Variants in RGS6 observed in about 807,000 individuals in gnomAD.
RGS6 encodes regulator of G protein signaling 6.
A neutral mutation model predicts 78.5 loss-of-function variants in RGS6; 30 were observed. That is an observed-to-expected ratio of 0.38 (90% CI 0.29 to 0.52). The LOEUF (loss-of-function observed/expected upper bound fraction) is 0.52, where lower values mean the gene tolerates loss of function less well. Ranked by LOEUF, RGS6 falls within the 20% of genes least tolerant of loss-of-function variation. The pLI is 0.85. For missense variants in RGS6, 495 were observed against 609.7 expected, an observed-to-expected ratio of 0.81 and a Z score of 1.98; for synonymous variants, 206 against 206.0, an observed-to-expected ratio of 1.00 and a Z score of 0.00.
intron 2 of RGS6, among the ~76,000 whole-genome samples, chr14:72,200,403 G>C (rs770888150): frequency 5.3e-5 from 8 of 152,322 alleles, no homozygotes; most frequent in Admixed American, 4.6e-4. Context: ...ATCAGTGAAG[G>C]CTCTGATATC....
At chr14:72,137,711 G>C (rs2096467156) in intron 2 of RGS6, among the ~76,000 whole-genome samples, 1 of 152,358 alleles carries the variant, frequency 6.6e-6, no homozygotes, top group African/African-American at 2.4e-5. Context: ...AGCATCCTGA[G>C]TGCAGGAGCT....
At chr14:72,623,410 T>C in the RGS6 span, among the ~76,000 whole-genome samples, 1 of 152,200 alleles carries the variant, frequency 6.6e-6, no homozygotes. Context: ...CATCTGACTA[T>C]AAAACAATTA....
At chr14:72,437,998 T>A (rs2283382) in intron 3 of RGS6, among the ~76,000 whole-genome samples, 36,807 of 152,142 alleles carry the variant, frequency 0.24, 5,583 homozygotes, top group East Asian at 0.57. Context: ...GGCAGAGCCA[T>A]CAGATGCCAT....
intron 17 of RGS6, among the ~76,000 whole-genome samples, chr14:72,542,315 T>C (rs1366070719): frequency 6.6e-6 from 1 of 152,160 alleles, no homozygotes; most frequent in Non-Finnish European, 1.5e-5. Flanking sequence ...TTACTTAAGA[T>C]TGGAACCCAG....
intron 12 of RGS6, among the ~76,000 whole-genome samples, chr14:72,481,259 G>A (rs1216628768): frequency 6.6e-6 from 1 of 152,188 alleles, no homozygotes; most frequent in African/African-American, 2.4e-5. Context: ...CTGGGAATGT[G>A]AATAATAATT....
intron 3 of RGS6, among the ~76,000 whole-genome samples, chr14:72,424,386 T>C (rs78935702): frequency 0.019 from 2,863 of 152,270 alleles, 100 homozygotes; most frequent in African/African-American, 0.065. Flanking sequence ...GCTTTTTTAG[T>C]TCAGGGGTCA....
At chr14:72,600,830 C>T in the RGS6 span, among the ~76,000 whole-genome samples, 2 of 152,122 alleles carry the variant, frequency 1.3e-5, no homozygotes, top group African/African-American at 2.4e-5. Flanking sequence ...CAGCCTCTCC[C>T]CTGCCGCATC....
chr14:72,409,519 C>A (rs1010772375), intron 3 of RGS6, among the ~76,000 whole-genome samples: 8 of 151,354 alleles, frequency 5.3e-5, no homozygotes, highest in African/African-American at 1.7e-4. Flanking sequence ...TTTTTAACAT[C>A]ACTTTTATTT....
At chr14:72,426,773 G>C (rs1365599501) in intron 3 of RGS6, among the ~76,000 whole-genome samples, 2 of 152,160 alleles carry the variant, frequency 1.3e-5, no homozygotes, top group African/African-American at 4.8e-5. Flanking sequence ...AGATTTTGAG[G>C]GCTGATCTTG....
intron 2 of RGS6, among the ~76,000 whole-genome samples, chr14:72,085,488 A>G (rs917605785): frequency 1.3e-5 from 2 of 152,176 alleles, no homozygotes; most frequent in Non-Finnish European, 2.9e-5. Context: ...TTGTTGGTTT[A>G]TCATTCCTTC....
chr14:72,285,836 C>T (rs773258520), intron 2 of RGS6, among the ~76,000 whole-genome samples: 2 of 152,156 alleles, frequency 1.3e-5, no homozygotes, highest in African/African-American at 2.4e-5. Context: ...CTGTTCAAGT[C>T]ATTTGCCCAT....
chr14:72,236,777 C>T lies in RGS6; in HGVS notation c.85-115318C>T, dbSNP rs148457419. ...AGGGCTGCGGCCAGAGAGAGGCACT[C>T]CTCACTTCCCAGATGGCAGGGGGCG... is the stretch of plus-strand genomic sequence containing the variant. On this transcript the variant is annotated intron_variant, in intron 2 of 17. Coordinates refer to ENST00000553525, the MANE Select transcript of RGS6 (RefSeq NM_001204424.2). Among the ~76,000 whole-genome samples, 530 of 151,938 alleles carry T rather than the reference C, an allele frequency of 3.5e-3. 4 individuals carry two copies. Among genetic ancestry groups the T allele is most frequent in the Middle Eastern group, 0.021 (6 of 292 alleles).
In RGS6 at chr14:72,293,706, A is replaced by C. The variant is rs113368328; in HGVS notation, c.85-58389A>C. Among the ~76,000 whole-genome samples the C allele has an allele frequency of 9.4e-3, 1,426 of 152,330 alleles. 12 individuals are homozygous for C. Among genetic ancestry groups the C allele is most frequent in the South Asian group, 0.023 (111 of 4,822 alleles). On this transcript the variant is annotated intron_variant, in intron 2 of 17. Coordinates refer to ENST00000553525, the MANE Select transcript of RGS6 (RefSeq NM_001204424.2). ...GGTGCTATATTCTGTACTCAGCAGT[A>C]GACTCATTTCATTATTTTGGAGTAT...
At chr14:72,324,377 T>G (rs2073096128) in intron 2 of RGS6, among the ~76,000 whole-genome samples, 1 of 152,150 alleles carries the variant, frequency 6.6e-6, no homozygotes, top group African/African-American at 2.4e-5. Flanking sequence ...TTTTTTTTAA[T>G]TTAAGTTCTA....
At chr14:72,381,728 A>T (rs1029642938) in intron 3 of RGS6, among the ~76,000 whole-genome samples, 5 of 152,172 alleles carry the variant, frequency 3.3e-5, no homozygotes, top group Non-Finnish European at 7.4e-5. Flanking sequence ...AAAGTTTGAG[A>T]TATCAAAAGG....
chr14:72,613,856 G>A, the RGS6 span, among the ~76,000 whole-genome samples: 43,922 of 152,090 alleles, frequency 0.29, 8,382 homozygotes, highest in Non-Finnish European at 0.41. Context: ...AGGCCTCCCC[G>A]GGGACAGCTG....
chr14:72,562,478 C>G lies in RGS6; in HGVS notation c.*11C>G. ...ATGCAGTCCTCCTGACCGTTCCTAC[C>G]GCAGGTCCAGGGCCTGGGCCCGCGG... On this transcript the variant is annotated 3_prime_UTR_variant, in exon 18 of 18. Transcript: ENST00000553525. The G allele has an allele frequency of 1.2e-6, 2 of 1,611,926 alleles. No homozygotes were observed. The highest frequency in any genetic ancestry group is 1.1e-5 in the South Asian group (1 of 91,076).
chr14:72,353,510 C>A (rs1352410001), intron 3 of RGS6, among the ~76,000 whole-genome samples: 1 of 152,146 alleles, frequency 6.6e-6, no homozygotes, highest in African/African-American at 2.4e-5. Flanking sequence ...GCATTGTATA[C>A]ATCACAAAAC....
At chr14:72,183,475 T>C (rs907813170) in intron 2 of RGS6, among the ~76,000 whole-genome samples, 19 of 152,338 alleles carry the variant, frequency 1.2e-4, no homozygotes, top group African/African-American at 4.3e-4. Context: ...TAATTGCAGG[T>C]AGAGTTTTAT....
Sources: gnomAD v4.1 joint callset for allele counts (sites outside exome capture counted in the v4.1 genomes callset) on GRCh38, gnomAD v4.1.1 for gene constraint, MANE v1.5 for transcripts, NCBI Gene and HGNC (gene_info 2026-07-23, HGNC 2026-07-21) for gene names.